ZNF536: variants seen among roughly 807,000 people sequenced by gnomAD.
ZNF536 encodes zinc finger protein 536.
ZNF536 carries 13 observed loss-of-function variants against 84.5 expected under a neutral mutation model. That is an observed-to-expected ratio of 0.15 (90% confidence interval 0.10 to 0.24). The LOEUF (loss-of-function observed/expected upper bound fraction) is 0.24, where lower values mean the gene tolerates loss of function less well. Among genes scored for constraint, ZNF536 ranks in the 10% least tolerant of loss-of-function variants. The pLI, the probability that ZNF536 is intolerant of heterozygous loss-of-function variation, is 1.00. For synonymous variants in ZNF536, 811 were observed against 742.5 expected (o/e 1.09, Z -1.50); for missense variants, 1,536 against 1,747.5 (o/e 0.88, Z 2.16).
chr19:30,694,691 A>G (rs1468817358), intron 1 of ZNF536, among the ~76,000 whole-genome samples: 5 of 152,130 alleles, frequency 3.3e-5, no homozygotes, highest in African/African-American at 4.8e-5. Context: ...TTTTAAAGAA[A>G]TAGTGTTGGG....
At chr19:30,236,164 ACCT>A (rs2023484049) in intron 1 of ZNF536, among the ~76,000 whole-genome samples, 1 of 152,078 alleles carries the variant, frequency 6.6e-6, no homozygotes, top group Non-Finnish European at 1.5e-5. Flanking sequence ...CGCAGCCGAA[ACCT>A]CCTCTGATAG....
chr19:30,646,457 C>T (rs1600137254), intron 1 of ZNF536, among the ~76,000 whole-genome samples: 2 of 152,170 alleles, frequency 1.3e-5, no homozygotes, highest in Admixed American at 1.3e-4. Flanking sequence ...AAGGTGTGCT[C>T]ATGAATGTCC....
At chr19:30,583,597 C>T (rs1418875405) in intron 1 of ZNF536, among the ~76,000 whole-genome samples, 2 of 152,098 alleles carry the variant, frequency 1.3e-5, no homozygotes, top group Admixed American at 6.5e-5. Context: ...ATCAAGGCTC[C>T]GGATGGGGCT....
At chr19:30,528,079 A>G (rs1227271358) in intron 2 of ZNF536, among the ~76,000 whole-genome samples, 1 of 152,234 alleles carries the variant, frequency 6.6e-6, no homozygotes, top group African/African-American at 2.4e-5. Context: ...CTGTTATACT[A>G]GAAGCTCCAT....
intron 2 of ZNF536, among the ~76,000 whole-genome samples, chr19:30,305,212 A>AC (rs1481962740): frequency 6.6e-6 from 1 of 152,130 alleles, no homozygotes; most frequent in African/African-American, 2.4e-5. Context: ...GGAAGCTCAT[A>AC]TAGAGTTTGG....
chr19:30,472,477 C>T (rs2053678574), intron 2 of ZNF536, among the ~76,000 whole-genome samples: 1 of 152,060 alleles, frequency 6.6e-6, no homozygotes, highest in Admixed American at 6.5e-5. Flanking sequence ...TGTGTGATCT[C>T]AAAAGTGAGT....
intron 1 of ZNF536, among the ~76,000 whole-genome samples, chr19:30,388,891 G>A (rs1336501296): frequency 6.6e-6 from 1 of 152,198 alleles, no homozygotes; most frequent in Non-Finnish European, 1.5e-5. Context: ...TCAGACAGCT[G>A]GCAATGGCCA....
intron 2 of ZNF536, among the ~76,000 whole-genome samples, chr19:30,334,475 T>C (rs912862836): frequency 5.3e-5 from 8 of 152,286 alleles, no homozygotes; most frequent in African/African-American, 1.9e-4. Context: ...TTGGCTAAGA[T>C]TGGGGCTAGG....
At chr19:30,708,176 T>C (rs915875799) in intron 1 of ZNF536, among the ~76,000 whole-genome samples, 3 of 77,116 alleles carry the variant, frequency 3.9e-5, no homozygotes, top group Non-Finnish European at 1.0e-4. Context: ...ATTCACGGCC[T>C]TTTTGGGAGG....
chr19:30,596,053 A>G (rs1439014849), intron 1 of ZNF536, among the ~76,000 whole-genome samples: 1 of 152,212 alleles, frequency 6.6e-6, no homozygotes, highest in Admixed American at 6.5e-5. Context: ...TTCTGTGACC[A>G]TGGGCTAATT....
At chr19:30,416,601 C>T (rs1451983554) in intron 1 of ZNF536, among the ~76,000 whole-genome samples, 1 of 152,036 alleles carries the variant, frequency 6.6e-6, no homozygotes, top group Non-Finnish European at 1.5e-5. Flanking sequence ...CCACCTCCTC[C>T]CTGCCCTCCC....
chr19:30,349,081 T>C (rs2047845982), intron 2 of ZNF536, among the ~76,000 whole-genome samples: 1 of 152,228 alleles, frequency 6.6e-6, no homozygotes, highest in Admixed American at 6.5e-5. Flanking sequence ...AGTGCTGAGT[T>C]GGTGCCCTGG....
rs1415513149 is a variant in ZNF536, at chr19:30,648,354, C to T, written c.170-62403C>T. ...CCCAGATCTGCGTGCTGAGACATCA[C>T]TCTCAGGTTGTAAATTCTACACCAA... On this transcript the variant is annotated intron_variant, in intron 1 of 1. Transcript: ENST00000592773. Among the ~76,000 whole-genome samples, 4 of 152,270 alleles carry T rather than the reference C, an allele frequency of 2.6e-5. No individual in the cohort carries two copies. The East Asian group carries it at 7.7e-4, about 29-fold the overall frequency.
intron 3 of ZNF536, among the ~76,000 whole-genome samples, chr19:30,353,598 C>T (rs914225759): frequency 4.6e-5 from 7 of 152,226 alleles, no homozygotes; most frequent in Non-Finnish European, 5.9e-5. Flanking sequence ...CACAGGCTTC[C>T]GGGCCCCGGG....
rs150663150 is a variant in ZNF536, at chr19:30,671,734, G to C, written c.170-39023G>C. On this transcript the variant is annotated intron_variant, in intron 1 of 1. Transcript: ENST00000592773. ...TCTCAGGAAGCACTAGGTATAAATA[G>C]ATACTCAGCAGACATTTGTTCAGTG... Among the ~76,000 whole-genome samples the C allele has an allele frequency of 2.4e-4, 37 of 152,272 alleles. 1 individual carries two copies. The East Asian group carries it at 5.4e-3, about 22-fold the overall frequency.
intron 2 of ZNF536, among the ~76,000 whole-genome samples, chr19:30,301,071 G>A (rs2046165059): frequency 2.0e-5 from 3 of 152,130 alleles, no homozygotes; most frequent in Admixed American, 2.0e-4. Flanking sequence ...GTTCTGGGAC[G>A]CCCCATCAGG....
At chr19:30,600,120 C>A (rs1234660263) in intron 1 of ZNF536, among the ~76,000 whole-genome samples, 3 of 286 alleles carry the variant, frequency 0.01, no homozygotes, top group Non-Finnish European at 0.024. Flanking sequence ...GACAGAGTTT[C>A]TCTCGTCTGT....
At chr19:30,700,332 C>T (rs1228951856) in intron 1 of ZNF536, among the ~76,000 whole-genome samples, 3 of 140,748 alleles carry the variant, frequency 2.1e-5, no homozygotes, top group Non-Finnish European at 3.1e-5. Flanking sequence ...ATCCCTCCTT[C>T]CTCCCTCCCT....
At position 30,584,441 on chromosome 19, in the gene ZNF536, G is replaced by C. The variant is rs546848077; in HGVS notation, c.169+34927G>C. On this transcript the variant is annotated intron_variant, in intron 1 of 1. Coordinates refer to the ZNF536 transcript ENST00000592773. ...AGTGTGGCTCCCCCGATGGCCCTGC[G>C]GTTACGCTTTCTTTCCCTGCGGTGC... Among the ~76,000 whole-genome samples, 41 of 152,320 alleles carry C rather than the reference G, an allele frequency of 2.7e-4. 1 individual carries two copies. Among genetic ancestry groups the C allele is most frequent in the African/African-American group, 9.1e-4 (38 of 41,550 alleles).
Sources: gnomAD v4.1 joint callset for allele counts (sites outside exome capture counted in the v4.1 genomes callset) on GRCh38, gnomAD v4.1.1 for gene constraint, MANE v1.5 for transcripts, NCBI Gene and HGNC (gene_info 2026-07-23, HGNC 2026-07-21) for gene names.